Variants in KCNB2 observed in about 807,000 individuals in gnomAD.
KCNB2 encodes the protein delayed rectifier potassium channel protein.
Under a neutral mutation model 61.5 loss-of-function variants are expected in KCNB2, and 15 were observed. The observed-to-expected ratio is 0.24, with a 90% CI of 0.16 to 0.38. The LOEUF (loss-of-function observed/expected upper bound fraction) is 0.38, where lower values mean the gene tolerates loss of function less well. Ranked by LOEUF, KCNB2 falls within the 10% of genes least tolerant of loss-of-function variation. KCNB2 has a pLI of 1.00. For synonymous variants in KCNB2, 457 were observed against 446.0 expected (o/e 1.02, Z -0.31); for missense variants, 828 against 1,125.2 (o/e 0.74, Z 3.78).
intron 2 of KCNB2, among the ~76,000 whole-genome samples, chr8:72,744,741 A>T (rs1313429001): frequency 6.6e-6 from 1 of 152,134 alleles, no homozygotes; most frequent in Admixed American, 6.5e-5. Flanking sequence ...GAGAGAAAAC[A>T]CAAGTGCCAA....
At chr8:72,596,928 T>C (rs925838709) in intron 2 of KCNB2, among the ~76,000 whole-genome samples, 3 of 150,898 alleles carry the variant, frequency 2.0e-5, no homozygotes, top group African/African-American at 4.9e-5. Context: ...TGTTATTGCC[T>C]CTGCTATTGG....
At chr8:72,588,199 G>A (rs117240373) in intron 2 of KCNB2, among the ~76,000 whole-genome samples, 2,974 of 149,282 alleles carry the variant, frequency 0.02, 53 homozygotes, top group South Asian at 0.08. Context: ...AGGATTCTGA[G>A]TCTCTCTGGG....
intron 2 of KCNB2, among the ~76,000 whole-genome samples, chr8:72,849,079 T>C (rs1222530138): frequency 1.3e-5 from 2 of 150,136 alleles, no homozygotes. Flanking sequence ...ATAGTATTTC[T>C]TCTAAGGCCC....
chr8:72,792,900 T>C (rs1477995191), intron 2 of KCNB2, among the ~76,000 whole-genome samples: 1 of 152,210 alleles, frequency 6.6e-6, no homozygotes, highest in Non-Finnish European at 1.5e-5. Context: ...CCGGAATTCT[T>C]TTTATCCTTC....
chr8:72,897,369 A>G (rs934455702), intron 2 of KCNB2, among the ~76,000 whole-genome samples: 4 of 152,204 alleles, frequency 2.6e-5, no homozygotes, highest in African/African-American at 9.6e-5. Context: ...AGGATAGTAG[A>G]GAATATGAGA....
In KCNB2 at chr8:72,807,476, A is replaced by G. The variant is rs190373616; in HGVS notation, c.580-128459A>G. Reference sequence around the variant, plus strand: ...GGCTTCTGAAAGCACCATTCACCCTAAGTAGACATTCGGAATGGCTCTGTG... The same window carrying G: ...GGCTTCTGAAAGCACCATTCACCCTGAGTAGACATTCGGAATGGCTCTGTG... On this transcript the variant is annotated intron_variant, in intron 2 of 2. Transcript: ENST00000523207. Among the ~76,000 whole-genome samples the G allele has an allele frequency of 1.7e-4, 26 of 152,274 alleles. 1 individual carries two copies. Among genetic ancestry groups the G allele is most frequent in the Admixed American group, 1.4e-3 (22 of 15,292 alleles).
chr8:72,865,481 T>C (rs1805502112), intron 2 of KCNB2, among the ~76,000 whole-genome samples: 2 of 152,174 alleles, frequency 1.3e-5, no homozygotes, highest in Non-Finnish European at 2.9e-5. Flanking sequence ...AGAAAATGTA[T>C]TTTGAATACA....
intron 2 of KCNB2, among the ~76,000 whole-genome samples, chr8:72,817,239 A>G (rs1314737312): frequency 6.6e-6 from 1 of 152,188 alleles, no homozygotes; most frequent in East Asian, 1.9e-4. Context: ...TTCACAGGGC[A>G]AAGCCTTAAT....
In KCNB2 at chr8:72,794,264, C is replaced by T. The variant is rs767077546; in HGVS notation, c.580-141671C>T. 5.3e-5 allele frequency among the ~76,000 whole-genome samples: 8 copies of T among 151,972 alleles called. No individual in the cohort carries two copies. The South Asian group carries it at 6.2e-4, about 12-fold the overall frequency. On this transcript the variant is annotated intron_variant, in intron 2 of 2. Coordinates refer to ENST00000523207, the MANE Select transcript of KCNB2 (RefSeq NM_004770.3). ...TGGATTGGAGATGGGATGACTTCTA[C>T]GGTTAAGGTTAAAAAATGGTGGCCG...
chr8:72,672,430 A>G (rs781387810), intron 2 of KCNB2, among the ~76,000 whole-genome samples: 2 of 152,132 alleles, frequency 1.3e-5, no homozygotes, highest in Non-Finnish European at 2.9e-5. Context: ...ATGCTAACAC[A>G]TCCTGAATTA....
intron 2 of KCNB2, among the ~76,000 whole-genome samples, chr8:72,768,047 ATTG>A (rs1808490339): frequency 6.6e-6 from 1 of 152,152 alleles, no homozygotes; most frequent in Admixed American, 6.5e-5. Context: ...TCCTTTGCTT[ATTG>A]TTAATTGTAT....
chr8:72,615,838 G>A (rs534368330), intron 2 of KCNB2, among the ~76,000 whole-genome samples: 1 of 152,318 alleles, frequency 6.6e-6, no homozygotes, highest in African/African-American at 2.4e-5. Context: ...AGTCAGATAA[G>A]ATCAACAGAT....
At chr8:72,661,421 C>T (rs1806379148) in intron 2 of KCNB2, 1 of 152,194 alleles carries the variant, frequency 6.6e-6, no homozygotes, top group African/African-American at 2.4e-5. Context: ...TATCCAATTC[C>T]ACATGTCCTC....
At chr8:72,848,200 G>C (rs531945399) in intron 2 of KCNB2, among the ~76,000 whole-genome samples, 2 of 152,222 alleles carry the variant, frequency 1.3e-5, no homozygotes, top group East Asian at 3.9e-4. Flanking sequence ...ATCATAATAG[G>C]TCATAAAGTT....
At chr8:72,660,726 A>G (rs955579423) in intron 2 of KCNB2, 1 of 152,144 alleles carries the variant, frequency 6.6e-6, no homozygotes, top group Admixed American at 6.6e-5. Flanking sequence ...CTTGTATTTT[A>G]TACATGTCCA....
chr8:72,558,524 C>T (rs1806462426), intron 1 of KCNB2, among the ~76,000 whole-genome samples: 3 of 151,948 alleles, frequency 2.0e-5, no homozygotes, highest in Admixed American at 2.0e-4. Flanking sequence ...ATATTTCATA[C>T]GTGGAAGTCA....
chr8:72,759,140 A>C (rs1808338300), intron 2 of KCNB2, among the ~76,000 whole-genome samples: 3 of 152,200 alleles, frequency 2.0e-5, no homozygotes, highest in Admixed American at 2.0e-4. Context: ...TTTTAAAAAG[A>C]ACCTTGCTTA....
At chr8:72,874,090 G>T (rs1057131652) in intron 2 of KCNB2, among the ~76,000 whole-genome samples, 1 of 152,180 alleles carries the variant, frequency 6.6e-6, no homozygotes, top group African/African-American at 2.4e-5. Context: ...TGCTAGTTCA[G>T]ATCTTCAATT....
chr8:72,622,198 T>A (rs185920296), intron 2 of KCNB2, among the ~76,000 whole-genome samples: 1 of 152,316 alleles, frequency 6.6e-6, no homozygotes, highest in Admixed American at 6.5e-5. Context: ...GAGGCTTTTT[T>A]TGTTCTGAAA....
Sources: allele counts gnomAD v4.1 joint callset (sites outside exome capture counted in the v4.1 genomes callset), GRCh38; gene constraint gnomAD v4.1.1; transcripts MANE v1.5; gene names NCBI Gene and HGNC (gene_info 2026-07-23, HGNC 2026-07-21).